Variants in RYR2 observed in about 807,000 individuals in gnomAD.
RYR2 encodes the protein cardiac muscle ryanodine receptor-calcium release channel.
A neutral mutation model predicts 601.1 loss-of-function variants in RYR2; 227 were observed. The ratio of observed to expected loss-of-function variants is 0.38; its 90% CI spans 0.34 to 0.42. The LOEUF is 0.42. Among genes scored for constraint, RYR2 ranks in the 10% least tolerant of loss-of-function variants. The probability of loss-of-function intolerance (pLI) is 1.00; values close to 1 mark genes in which losing one functional copy is unlikely to be tolerated. For synonymous variants in RYR2, 2,223 were observed against 2,175.1 expected (o/e 1.02, Z -0.61); for missense variants, 4,646 against 6,156.5 (o/e 0.75, Z 8.21).
intron 84 of RYR2, among the ~76,000 whole-genome samples, chr1:237,767,406 C>A (rs186562584): frequency 6.6e-6 from 1 of 152,052 alleles, no homozygotes; most frequent in Non-Finnish European, 1.5e-5. Flanking sequence ...TCTTCAGGTT[C>A]GAGATTATGT....
At chr1:237,692,338 G>A (rs1463594544) in intron 63 of RYR2, among the ~76,000 whole-genome samples, 1 of 152,158 alleles carries the variant, frequency 6.6e-6, no homozygotes, top group African/African-American at 2.4e-5. Context: ...TACTATTGCA[G>A]GAGCATACTG....
At chr1:237,481,045 T>C (rs1019947290) in intron 17 of RYR2, among the ~76,000 whole-genome samples, 5 of 150,998 alleles carry the variant, frequency 3.3e-5, no homozygotes. Context: ...TGTAATTATG[T>C]ATTTTGGTAA....
At chr1:237,158,711 C>T (rs1675666399) in intron 1 of RYR2, among the ~76,000 whole-genome samples, 1 of 152,138 alleles carries the variant, frequency 6.6e-6, no homozygotes, top group South Asian at 2.1e-4. Flanking sequence ...GCAAGAATCA[C>T]GTCCAGGTTT....
intron 1 of RYR2, among the ~76,000 whole-genome samples, chr1:237,182,103 G>GTTTATTTATTTATTTATTTATTTA (rs71698093): frequency 6.7e-6 from 1 of 148,548 alleles, no homozygotes; most frequent in Non-Finnish European, 1.5e-5. Context: ...ACTCCCTGGG[G>GTTTATTTATTTATTTATTTATTTA]TTTATTTATT....
intron 31 of RYR2, among the ~76,000 whole-genome samples, chr1:237,591,443 CAG>C (rs765728587): frequency 1.3e-5 from 2 of 151,984 alleles, no homozygotes; most frequent in Non-Finnish European, 2.9e-5. Context: ...TATACTAAAT[CAG>C]AGTTTCTCAG....
At chr1:237,583,940 G>A (rs183450611) in intron 29 of RYR2, among the ~76,000 whole-genome samples, 1 of 152,290 alleles carries the variant, frequency 6.6e-6, no homozygotes. Context: ...AAGCAGCTTA[G>A]CCATAAGTTG....
intron 100 of RYR2, among the ~76,000 whole-genome samples, chr1:237,815,127 G>A (rs1558474050): frequency 6.6e-6 from 1 of 151,996 alleles, no homozygotes; most frequent in Non-Finnish European, 1.5e-5. Context: ...TAACATCTTG[G>A]AAATCAACAA....
At chr1:237,080,873 A>C (rs1665531923) in intron 1 of RYR2, among the ~76,000 whole-genome samples, 1 of 83,828 alleles carries the variant, frequency 1.2e-5, no homozygotes, top group Non-Finnish European at 2.4e-5. Context: ...AAGACTTGGA[A>C]CCAACCCAAA....
intron 2 of RYR2, among the ~76,000 whole-genome samples, chr1:237,298,826 C>T (rs1241258078): frequency 6.6e-6 from 1 of 151,916 alleles, no homozygotes; most frequent in Non-Finnish European, 1.5e-5. Flanking sequence ...ATGGCAAGAC[C>T]CCGTTTCTAC....
At chr1:237,412,688 C>T (rs1350840803) in intron 10 of RYR2, among the ~76,000 whole-genome samples, 1 of 152,116 alleles carries the variant, frequency 6.6e-6, no homozygotes, top group South Asian at 2.1e-4. Flanking sequence ...TCATATCCGT[C>T]GACCTTCCTG....
Position 237,617,392 on chromosome 1 carries a change from G to A in RYR2, c.5822G>A (p.Arg1941His), listed in dbSNP as rs373600053. 110 of 1,613,820 alleles carry A rather than the reference G, an allele frequency of 6.8e-5. No individual in the cohort carries two copies. The highest frequency in any genetic ancestry group is 8.7e-5 in the Non-Finnish European group (103 of 1,179,888). Residue 1941 changes from arginine (R) to histidine (H), a missense_variant, in exon 38 of 105, where the codon CGT (arginine) becomes CAT (histidine). Physicochemically the swap from Arg to His is conservative, Grantham distance 29. Coordinates refer to ENST00000366574, the MANE Select transcript of RYR2 (RefSeq NM_001035.3). ...DFVAKLQDNQ[R>H]FRYNEVMQAL... ...GTGGCTAAGCTCCAAGACAATCAAC[G>A]TTTCCGATACAACGAAGTCATGCAA... is the stretch of plus-strand genomic sequence containing the variant.
intron 14 of RYR2, among the ~76,000 whole-genome samples, chr1:237,453,668 A>T (rs1658463467): frequency 6.6e-6 from 1 of 152,116 alleles, no homozygotes; most frequent in African/African-American, 2.4e-5. Context: ...AAATATTTTT[A>T]TTTTGAAATA....
At chr1:237,416,950 C>A in intron 10 of RYR2, 99 bp from the exon 11 acceptor site, 1 of 928,784 alleles carries the variant, frequency 1.1e-6, no homozygotes, top group Non-Finnish European at 1.7e-6. Flanking sequence ...TACTCACAGG[C>A]CATTTGCTTT....
At chr1:237,460,718 C>G (rs1659379297) in intron 16 of RYR2, among the ~76,000 whole-genome samples, 1 of 152,102 alleles carries the variant, frequency 6.6e-6, no homozygotes, top group Admixed American at 6.6e-5. Flanking sequence ...AGGTTCCTTT[C>G]TTGAAAAATA....
At chr1:237,594,905 T>TTTTTTTTG (rs1675687225) in intron 33 of RYR2, among the ~76,000 whole-genome samples, 7 of 50,064 alleles carry the variant, frequency 1.4e-4, no homozygotes, top group Admixed American at 3.3e-4. Flanking sequence ...TTTTTTTTTT[T>TTTTTTTTG]TTTTTTTTTT....
chr1:237,226,405 G>A (rs190129783), intron 1 of RYR2, among the ~76,000 whole-genome samples: 2 of 152,260 alleles, frequency 1.3e-5, no homozygotes, highest in East Asian at 3.9e-4. Context: ...TACTGACAGT[G>A]TGGCCAATTA....
At chr1:237,225,013 A>G (rs1370258382) in intron 1 of RYR2, among the ~76,000 whole-genome samples, 1 of 152,088 alleles carries the variant, frequency 6.6e-6, no homozygotes, top group Non-Finnish European at 1.5e-5. Context: ...GCTTTTAACC[A>G]CTATGCTGTG....
At chr1:237,356,766 C>T (rs1699333444) in intron 4 of RYR2, among the ~76,000 whole-genome samples, 1 of 152,064 alleles carries the variant, frequency 6.6e-6, no homozygotes, top group Non-Finnish European at 1.5e-5. Flanking sequence ...CTTAACACAC[C>T]AGGATTCTGA....
At chr1:237,737,166 A>G (rs1691223666) in intron 79 of RYR2, among the ~76,000 whole-genome samples, 2 of 152,224 alleles carry the variant, frequency 1.3e-5, no homozygotes, top group Admixed American at 1.3e-4. Context: ...ATTTGCCTCC[A>G]TATTGATTTT....
Sources: allele counts gnomAD v4.1 joint callset (sites outside exome capture counted in the v4.1 genomes callset), GRCh38; gene constraint gnomAD v4.1.1; transcripts MANE v1.5; gene names NCBI Gene and HGNC (gene_info 2026-07-23, HGNC 2026-07-21).